The following LUZP2 variants were observed in gnomAD, a reference collection of about 807,000 sequenced individuals.
LUZP2 encodes leucine zipper protein 2.
A neutral mutation model predicts 51.6 loss-of-function variants in LUZP2; 52 were observed. That is an observed-to-expected ratio of 1.01 (90% confidence interval 0.81 to 1.27). LUZP2 has a LOEUF of 1.27. Among genes scored for constraint, LUZP2 ranks in the 50% most tolerant of loss-of-function variants. LUZP2 has a pLI of 0.00. For synonymous variants in LUZP2, 154 were observed against 137.3 expected (o/e 1.12, Z -0.85); for missense variants, 436 against 395.4 (o/e 1.10, Z -0.87).
chr11:24,697,609 T>G (rs560439517), intron 1 of LUZP2, among the ~76,000 whole-genome samples: 1 of 152,308 alleles, frequency 6.6e-6, no homozygotes, highest in South Asian at 2.1e-4. Flanking sequence ...TTTCCAAAAC[T>G]ACCTCCCTCT....
chr11:24,699,702 C>T (rs546043832), intron 1 of LUZP2, among the ~76,000 whole-genome samples: 15 of 98,632 alleles, frequency 1.5e-4, no homozygotes, highest in Non-Finnish European at 2.4e-4. Context: ...CACACACACA[C>T]GCACACATCA....
chr11:24,581,481 TC>T (rs949911884), intron 1 of LUZP2, among the ~76,000 whole-genome samples: 1 of 151,806 alleles, frequency 6.6e-6, no homozygotes, highest in Admixed American at 6.6e-5. Context: ...GATCAGGCTC[TC>T]CAACATGGCG....
At chr11:24,991,434 A>G (rs897785691) in intron 9 of LUZP2, among the ~76,000 whole-genome samples, 1 of 143,330 alleles carries the variant, frequency 7.0e-6, no homozygotes, top group Non-Finnish European at 1.6e-5. Context: ...TCATATATAT[A>G]CATATATCTC....
intron 9 of LUZP2, among the ~76,000 whole-genome samples, chr11:25,037,121 T>C (rs1298727692): frequency 2.0e-5 from 3 of 152,214 alleles, no homozygotes; most frequent in African/African-American, 4.8e-5. Flanking sequence ...ATTTCTTTTC[T>C]AAATCTGGGT....
intron 1 of LUZP2, among the ~76,000 whole-genome samples, chr11:24,727,599 T>C (rs944879165): frequency 2.6e-5 from 4 of 152,004 alleles, no homozygotes; most frequent in African/African-American, 9.7e-5. Context: ...GAGAAACAAA[T>C]TGGGGCATAA....
chr11:24,957,875 C>T (rs897589803), intron 7 of LUZP2, among the ~76,000 whole-genome samples: 9 of 152,026 alleles, frequency 5.9e-5, no homozygotes, highest in Admixed American at 2.0e-4. Flanking sequence ...TCTAGCATTA[C>T]GTATATCTCC....
intron 4 of LUZP2, among the ~76,000 whole-genome samples, chr11:24,759,291 A>C (rs1859892172): frequency 6.6e-6 from 1 of 152,144 alleles, no homozygotes; most frequent in African/African-American, 2.4e-5. Flanking sequence ...AATCTTATTC[A>C]GGGTAAATAC....
chr11:24,854,686 A>G (rs984257212), intron 5 of LUZP2, among the ~76,000 whole-genome samples: 75 of 117,400 alleles, frequency 6.4e-4, no homozygotes, highest in African/African-American at 2.2e-3. Flanking sequence ...AAAAAAAAAA[A>G]CTCCTGCAGC....
intron 9 of LUZP2, among the ~76,000 whole-genome samples, chr11:25,012,727 G>C (rs184915929): frequency 6.6e-6 from 1 of 152,238 alleles, no homozygotes; most frequent in Admixed American, 6.5e-5. Context: ...ATAACTAATA[G>C]ATGCTGGTGA....
chr11:24,808,252 A>T (rs1018035751), intron 5 of LUZP2, among the ~76,000 whole-genome samples: 1 of 152,158 alleles, frequency 6.6e-6, no homozygotes. Flanking sequence ...ACTTCCAAGA[A>T]TATTTTGGGT....
chr11:24,553,947 T>TA (rs1851792866), intron 1 of LUZP2, among the ~76,000 whole-genome samples: 1 of 152,174 alleles, frequency 6.6e-6, no homozygotes, highest in Non-Finnish European at 1.5e-5. Context: ...TATTTCTCTC[T>TA]AAAGTTCCGC....
At chr11:24,951,056 A>T (rs1030793588) in intron 7 of LUZP2, among the ~76,000 whole-genome samples, 8 of 151,572 alleles carry the variant, frequency 5.3e-5, no homozygotes, top group African/African-American at 1.9e-4. Flanking sequence ...TTCATGTCTC[A>T]TTTTAGTTTA....
chr11:24,961,046 G>C (rs1324397529), intron 7 of LUZP2, among the ~76,000 whole-genome samples: 1 of 152,140 alleles, frequency 6.6e-6, no homozygotes, highest in Non-Finnish European at 1.5e-5. Flanking sequence ...TTTCCATGTA[G>C]TTGAGCGGTT....
chr11:24,791,876 A>G (rs184766278), intron 5 of LUZP2, among the ~76,000 whole-genome samples: 1 of 152,188 alleles, frequency 6.6e-6, no homozygotes, highest in Non-Finnish European at 1.5e-5. Context: ...CAGTGAAAGC[A>G]GTAAAAACAG....
chr11:24,986,439 G>C (rs78901833), intron 9 of LUZP2, among the ~76,000 whole-genome samples: 2,127 of 151,292 alleles, frequency 0.014, 45 homozygotes, highest in East Asian at 0.093. Context: ...ATGACATCAT[G>C]TTATCAGATT....
intron 5 of LUZP2, among the ~76,000 whole-genome samples, chr11:24,801,585 C>A (rs918690346): frequency 6.6e-6 from 1 of 151,686 alleles, no homozygotes; most frequent in African/African-American, 2.4e-5. Flanking sequence ...TAGGAAAATT[C>A]TTATCACAAC....
intron 5 of LUZP2, among the ~76,000 whole-genome samples, chr11:24,871,205 ATTTAC>A (rs905363052): frequency 6.6e-6 from 1 of 151,950 alleles, no homozygotes; most frequent in Non-Finnish European, 1.5e-5. Context: ...TTTCCTGTAT[ATTTAC>A]TTAAATTTTT....
At chr11:24,978,097 G>A (rs79990909) in intron 8 of LUZP2, among the ~76,000 whole-genome samples, 1 of 151,498 alleles carries the variant, frequency 6.6e-6, no homozygotes, top group African/African-American at 2.4e-5. Flanking sequence ...CTAACCATCA[G>A]TTTGTACCAT....
intron 1 of LUZP2, among the ~76,000 whole-genome samples, chr11:24,678,401 C>T (rs971510389): frequency 5.9e-5 from 9 of 152,224 alleles, no homozygotes; most frequent in African/African-American, 2.2e-4. Context: ...AGCAGAATTT[C>T]CACATCCTTG....
Sources: gnomAD v4.1 joint callset for allele counts (sites outside exome capture counted in the v4.1 genomes callset) on GRCh38, gnomAD v4.1.1 for gene constraint, MANE v1.5 for transcripts, NCBI Gene and HGNC (gene_info 2026-07-23, HGNC 2026-07-21) for gene names.